TAF1D: variants seen among roughly 807,000 people sequenced by gnomAD.
TAF1D encodes the protein TATA-box binding protein associated factor, RNA polymerase I subunit D, also known as TATA box-binding protein-associated factor RNA polymerase I subunit D.
A neutral mutation model predicts 26.2 loss-of-function variants in TAF1D; 23 were observed. The ratio of observed to expected loss-of-function variants is 0.88; its 90% CI spans 0.63 to 1.25. The LOEUF (loss-of-function observed/expected upper bound fraction) is 1.25, where lower values mean the gene tolerates loss of function less well. Among genes scored for constraint, TAF1D ranks in the 50% most tolerant of loss-of-function variants. The probability of loss-of-function intolerance (pLI) is 0.00; values close to 1 mark genes in which losing one functional copy is unlikely to be tolerated. For synonymous variants in TAF1D, 100 were observed against 105.6 expected (o/e 0.95, Z 0.33); for missense variants, 299 against 322.0 (o/e 0.93, Z 0.55).
Position 93,735,655 on chromosome 11 carries a change from C to T in TAF1D, c.*506G>A, listed in dbSNP as rs925790139. 3.9e-5 allele frequency: 38 copies of T among 984,434 alleles called. No homozygotes were observed. Among genetic ancestry groups the T allele is most frequent in the Middle Eastern group, 5.1e-4 (1 of 1,946 alleles). 61.0% of individuals were successfully genotyped at this position (984,434 alleles called of 1,614,324 possible). On this transcript the variant is annotated 3_prime_UTR_variant, in exon 6 of 6. Coordinates refer to ENST00000448108, the MANE Select transcript of TAF1D (RefSeq NM_024116.4). ...TTGCACTACAGCCTGGGTGACAGAT[C>T]GAGACTCTGTCTAAAAAAAATAGTA...
chr11:93,737,983 T>C, intron 3 of TAF1D, 126 bp downstream of exon 3: 1 of 1,099,138 alleles, frequency 9.1e-7, no homozygotes, highest in Non-Finnish European at 1.3e-6. Context: ...GGTAAGTCAG[T>C]ATAGAAGAGT....
chr11:93,733,726 CA>C, downstream of TAF1D: 1 of 388,028 alleles, frequency 2.6e-6, no homozygotes, highest in Non-Finnish European at 5.0e-6. Context: ...GGCAGGATCA[CA>C]TCTCACTGTA....
rs370686663 is a variant in TAF1D, at chr11:93,739,215, A to G, written c.68+22T>C. On this transcript the variant is annotated intron_variant, in intron 2 of 5. Coordinates refer to ENST00000448108, the MANE Select transcript of TAF1D (RefSeq NM_024116.4). ...TAGTTTCTCATAATTCAGATACAAT[A>G]AACATGATTGAATCCACTCACCTTC... 11 of 1,565,466 alleles carry G rather than the reference A, an allele frequency of 7.0e-6. No individual in the cohort carries two copies. In the African/African-American group the frequency reaches 1.1e-4, roughly 15 times the overall value.
chr11:93,739,581 A>C (rs1161361127), intron 1 of TAF1D, among the ~76,000 whole-genome samples: 1 of 152,240 alleles, frequency 6.6e-6, no homozygotes, highest in Admixed American at 6.5e-5. Flanking sequence ...CGTCCCTTCC[A>C]ACAAAAGCAT....
chr11:93,731,125 A>G (rs780122576), downstream of TAF1D: 2 of 496,522 alleles, frequency 4.0e-6, no homozygotes, highest in East Asian at 1.1e-4. Flanking sequence ...AATAACTTAT[A>G]GTTAAGATAA....
At chr11:93,735,127 T>G, downstream of TAF1D, 3 of 1,347,764 alleles carry the variant, frequency 2.2e-6, no homozygotes, top group Non-Finnish European at 2.9e-6. Flanking sequence ...CCTTCTTATA[T>G]GTATCAAAAC....
Sources: allele counts gnomAD v4.1 joint callset (sites outside exome capture counted in the v4.1 genomes callset), GRCh38; gene constraint gnomAD v4.1.1; transcripts MANE v1.5; gene names NCBI Gene and HGNC (gene_info 2026-07-23, HGNC 2026-07-21).